Variants in IGF2R observed in about 807,000 individuals in gnomAD.
The protein encoded by IGF2R is insulin like growth factor 2 receptor.
IGF2R carries 91 observed loss-of-function variants against 270.6 expected under a neutral mutation model. The ratio of observed to expected loss-of-function variants is 0.34; its 90% CI spans 0.28 to 0.40. The LOEUF (loss-of-function observed/expected upper bound fraction) is 0.40, where lower values mean the gene tolerates loss of function less well. Ranked by LOEUF, IGF2R falls within the 10% of genes least tolerant of loss-of-function variation. The probability of loss-of-function intolerance (pLI) is 1.00; values close to 1 mark genes in which losing one functional copy is unlikely to be tolerated. For synonymous variants in IGF2R, 1,316 were observed against 1,258.9 expected (o/e 1.05, Z -0.96); for missense variants, 2,805 against 3,188.3 (o/e 0.88, Z 2.90).
At position 160,025,564 on chromosome 6, in the gene IGF2R, TTATATA is replaced by T. The variant is rs991655263; in HGVS notation, c.646+865_646+870del. ...TATTAATTTATGATTATTCTTTAAA[TTATATA>T]TATACATTATGTACTATCTTGTTTA... On this transcript the variant is annotated intron_variant, in intron 5 of 47. Transcript: ENST00000356956. Among the ~76,000 whole-genome samples, 170 of 152,308 alleles carry T rather than the reference TTATATA, an allele frequency of 1.1e-3. 1 individual carries two copies. The Middle Eastern group carries it at 0.017, about 15-fold the overall frequency.
intron 15 of IGF2R, 82 bp downstream of exon 15, chr6:160,046,727 T>C: frequency 7.2e-7 from 1 of 1,393,160 alleles, no homozygotes. Flanking sequence ...GTGTTCTCAC[T>C]TAATGTCATT....
intron 30 of IGF2R, among the ~76,000 whole-genome samples, chr6:160,069,044 T>TG (rs1778655068): frequency 6.6e-6 from 1 of 151,898 alleles, no homozygotes; most frequent in South Asian, 2.1e-4. Flanking sequence ...AGGTAGAAGA[T>TG]GGGGGGTGTG....
In IGF2R at chr6:160,053,432, T is replaced by A. The variant is rs192780472; in HGVS notation, c.2694+2780T>A. Among the ~76,000 whole-genome samples the A allele has an allele frequency of 2.6e-5, 4 of 152,194 alleles. No homozygotes were observed. The East Asian group carries it at 5.8e-4, about 22-fold the overall frequency. On this transcript the variant is annotated intron_variant, in intron 19 of 47. Transcript: ENST00000356956. The stretch of plus-strand genomic sequence containing the variant: ...ATATAATAAAAAAAGGTATTAAAAA[T>A]AATAATAATAAAATGAATTAAGGCT...
chr6:160,003,437 G>T (rs746938615), intron 2 of IGF2R: 2 of 152,098 alleles, frequency 1.3e-5, no homozygotes, highest in East Asian at 3.8e-4. Context: ...TGACTCAAAC[G>T]GATAGAAGAA....
At chr6:159,977,912 G>A (rs915386381) in intron 1 of IGF2R, among the ~76,000 whole-genome samples, 51 of 152,036 alleles carry the variant, frequency 3.4e-4, no homozygotes, top group African/African-American at 1.2e-3. Context: ...TAGGCTAGGC[G>A]TGGGATGCTA....
intron 4 of IGF2R, among the ~76,000 whole-genome samples, chr6:160,016,011 A>C (rs910578917): frequency 1.3e-5 from 2 of 152,218 alleles, no homozygotes; most frequent in African/African-American, 4.8e-5. Flanking sequence ...TACAACCTGC[A>C]GAACTGTGAG....
chr6:160,013,941 T>C (rs777559898), intron 4 of IGF2R, among the ~76,000 whole-genome samples: 1 of 152,224 alleles, frequency 6.6e-6, no homozygotes, highest in Non-Finnish European at 1.5e-5. Context: ...AACCTCATCA[T>C]TCCCTAAAGA....
intron 4 of IGF2R, among the ~76,000 whole-genome samples, chr6:160,013,081 C>T (rs1322151693): frequency 6.6e-6 from 1 of 152,074 alleles, no homozygotes; most frequent in Non-Finnish European, 1.5e-5. Flanking sequence ...ATTTTCCAAC[C>T]TGATCATGAT....
chr6:160,013,155 T>C (rs1784364489), intron 4 of IGF2R, among the ~76,000 whole-genome samples: 1 of 152,136 alleles, frequency 6.6e-6, no homozygotes, highest in African/African-American at 2.4e-5. Context: ...CGTTGCTGAA[T>C]TGACAGTTGT....
At position 159,981,770 on chromosome 6, in the gene IGF2R, TG is replaced by T. The variant is rs1471734709; in HGVS notation, c.150-9413del. ...TAGCGTGCCCCCTCTCTATTCCAGG[TG>T]ACCTCTGTTACGCAGTCCCCATTGC... On this transcript the variant is annotated intron_variant, in intron 1 of 47. Transcript: ENST00000356956. 7.9e-5 allele frequency among the ~76,000 whole-genome samples: 12 copies of T among 152,306 alleles called. No individual in the cohort carries two copies. In the East Asian group the frequency reaches 2.1e-3, roughly 27 times the overall value.
rs983089798 is a variant in IGF2R, at chr6:160,078,417, G to A, written c.5478+55G>A. 1.1e-5 allele frequency: 17 copies of A among 1,546,010 alleles called. No individual in the cohort carries two copies. The African/African-American group carries it at 1.2e-4, about 11-fold the overall frequency. ...GCAGGTGTACCAGGTGCCAGGTGCT[G>A]TGAGGCTGCTGGGAGTGTTTTGGAT... is the stretch of plus-strand genomic sequence containing the variant. On this transcript the variant is annotated intron_variant, in intron 37 of 47. Coordinates refer to ENST00000356956, the MANE Select transcript of IGF2R (RefSeq NM_000876.4).
At position 160,105,161 on chromosome 6, in the gene IGF2R, GA is replaced by G; in HGVS notation, c.*78del. The G allele has an allele frequency of 3.1e-6, 4 of 1,272,248 alleles. No individual in the cohort carries two copies. Among genetic ancestry groups the G allele is most frequent in the Non-Finnish European group, 4.3e-6 (4 of 936,784 alleles). 78.8% of individuals were successfully genotyped at this position (1,272,248 alleles called of 1,614,324 possible). A position where few individuals can be genotyped will look rare whatever the true frequency, so the allele number is the denominator to read the frequency against. On this transcript the variant is annotated 3_prime_UTR_variant, in exon 48 of 48. Transcript: ENST00000356956. ...CAACCAAATAAGACTTCCACTCGAT[GA>G]TGCTTCTATAATTTTGCCTTTAACA...
At chr6:160,018,493 A>G (rs887540531) in intron 4 of IGF2R, among the ~76,000 whole-genome samples, 4 of 152,172 alleles carry the variant, frequency 2.6e-5, no homozygotes, top group African/African-American at 9.6e-5. Context: ...TTTATAGAAC[A>G]TTCTCCCCAC....
At chr6:160,104,062 T>C (rs1254013506) in intron 47 of IGF2R, among the ~76,000 whole-genome samples, 1 of 152,096 alleles carries the variant, frequency 6.6e-6, no homozygotes, top group Non-Finnish European at 1.5e-5. Context: ...TTGTTTCCAC[T>C]GTTTTTGGCT....
chr6:159,981,853 T>G (rs1783809395), intron 1 of IGF2R, among the ~76,000 whole-genome samples: 1 of 152,234 alleles, frequency 6.6e-6, no homozygotes, highest in African/African-American at 2.4e-5. Flanking sequence ...GACTTAGGGC[T>G]TCCAGCCGGA....
intron 3 of IGF2R, 141 bp downstream of exon 3, chr6:160,009,275 T>C (rs1784296072): frequency 9.1e-6 from 6 of 657,576 alleles, no homozygotes; most frequent in Middle Eastern, 4.2e-4. Flanking sequence ...CAAATGACCA[T>C]CATCATCAAG....
intron 31 of IGF2R, among the ~76,000 whole-genome samples, chr6:160,070,835 A>T (rs1778703538): frequency 6.6e-6 from 1 of 152,138 alleles, no homozygotes; most frequent in Admixed American, 6.5e-5. Flanking sequence ...GGGCTCCAGG[A>T]GCTTCAGGCC....
intron 1 of IGF2R, among the ~76,000 whole-genome samples, chr6:159,985,819 C>T (rs965265740): frequency 1.3e-5 from 2 of 152,144 alleles, no homozygotes; most frequent in African/African-American, 4.8e-5. Flanking sequence ...AGAGAGGGAC[C>T]ATTGGCTAAC....
intron 6 of IGF2R, 119 bp downstream of exon 6, chr6:160,027,433 GCTTCA>G: frequency 9.0e-7 from 1 of 1,105,500 alleles, no homozygotes. Flanking sequence ...CAGCATTGCT[GCTTCA>G]CATGTACTTG....
Sources: gnomAD v4.1 joint callset for allele counts (sites outside exome capture counted in the v4.1 genomes callset) on GRCh38, gnomAD v4.1.1 for gene constraint, MANE v1.5 for transcripts, NCBI Gene and HGNC (gene_info 2026-07-23, HGNC 2026-07-21) for gene names.